The following RLN2 variants were observed in gnomAD, a reference collection of about 807,000 sequenced individuals.
The protein encoded by RLN2 is prorelaxin H2.
A neutral mutation model predicts 7.3 loss-of-function variants in RLN2; 10 were observed. The observed-to-expected ratio is 1.36, with a 90% CI of 0.84 to 2.31. The LOEUF is 2.31. RLN2 is among the 30% of genes most tolerant of loss of function. The pLI is 0.00. For missense variants in RLN2, 298 were observed against 217.6 expected (o/e 1.37, Z -2.32); for synonymous variants, 103 against 82.3 (o/e 1.25, Z -1.36).
chr9:5,305,438 G>C (rs1373424899), upstream of RLN2, among the ~76,000 whole-genome samples: 1 of 132,774 alleles, frequency 7.5e-6, no homozygotes. Flanking sequence ...AGAAAAAAAA[G>C]CAGTGGAAAT....
At chr9:5,305,357 TACCAC>T (rs1432494760), upstream of RLN2, among the ~76,000 whole-genome samples, 3 of 98,102 alleles carry the variant, frequency 3.1e-5, no homozygotes, top group Admixed American at 2.5e-4. Flanking sequence ...CTGGAGAACA[TACCAC>T]ACACACACAC....
the RLN2 span, among the ~76,000 whole-genome samples, chr9:5,318,072 A>G: frequency 6.6e-6 from 1 of 151,612 alleles, no homozygotes; most frequent in African/African-American, 2.4e-5. Context: ...GGGTTTCGCC[A>G]CATTGGCCAG....
chr9:5,333,839 T>C, the RLN2 span, among the ~76,000 whole-genome samples: 1 of 152,012 alleles, frequency 6.6e-6, no homozygotes, highest in African/African-American at 2.4e-5. Flanking sequence ...GACGGCTTTA[T>C]CCCCAGGATG....
the RLN2 span, among the ~76,000 whole-genome samples, chr9:5,322,953 G>A: frequency 4.6e-5 from 7 of 151,664 alleles, no homozygotes; most frequent in South Asian, 1.0e-3. Flanking sequence ...AAAGCACTTC[G>A]CCTCCCCATC....
At chr9:5,327,681 G>A in the RLN2 span, among the ~76,000 whole-genome samples, 882 of 152,054 alleles carry the variant, frequency 5.8e-3, 21 homozygotes, top group African/African-American at 0.021. Flanking sequence ...AAACAGGCAG[G>A]TGCCCCTCTG....
At chr9:5,330,621 G>A in the RLN2 span, among the ~76,000 whole-genome samples, 4 of 119,432 alleles carry the variant, frequency 3.3e-5, no homozygotes, top group Admixed American at 1.1e-4. Flanking sequence ...CTGGGCGACA[G>A]AGCAAGACTC....
At chr9:5,300,890 A>C (rs1451712107) in intron 1 of RLN2, among the ~76,000 whole-genome samples, 1 of 152,144 alleles carries the variant, frequency 6.6e-6, no homozygotes, top group Admixed American at 6.5e-5. Context: ...AAAAGATATT[A>C]CTTTAAGCTA....
In RLN2 at chr9:5,300,263, T is replaced by C; in HGVS notation, c.393A>G (p.Lys131=). The part of the protein sequence containing the change: ...DSSLLFEEFK[K]LIRNRQSEAA... ...CTTCACTTTGTCTATTGCGAATAAG[T>C]TTCTTAAATTCTTCAAAGAGAAGAC... The change falls in exon 2 of 2, where the codon AAA becomes AAG. Residue 131 remains lysine (K), a synonymous_variant. Coordinates refer to ENST00000381627, the MANE Select transcript of RLN2 (RefSeq NM_134441.3). 6.2e-7 allele frequency: 1 copy of C among 1,613,992 alleles called. No homozygotes were observed. The highest frequency in any genetic ancestry group is 8.5e-7 in the Non-Finnish European group (1 of 1,179,946).
intron 1 of RLN2, among the ~76,000 whole-genome samples, chr9:5,301,426 T>C (rs1816133142): frequency 2.0e-5 from 3 of 152,222 alleles, no homozygotes; most frequent in Admixed American, 1.3e-4. Context: ...AAATGTTTCT[T>C]GCTCTCAAAA....
chr9:5,336,241 G>C, the RLN2 span, among the ~76,000 whole-genome samples: 1 of 152,060 alleles, frequency 6.6e-6, no homozygotes, highest in Non-Finnish European at 1.5e-5. Flanking sequence ...AAAGAGAGAA[G>C]TGGGTTAAAA....
At chr9:5,310,628 T>G in the RLN2 span, among the ~76,000 whole-genome samples, 8 of 152,038 alleles carry the variant, frequency 5.3e-5, no homozygotes, top group South Asian at 1.5e-3. Flanking sequence ...CAGTTATAAC[T>G]CTTTTTGAAC....
the RLN2 span, among the ~76,000 whole-genome samples, chr9:5,335,878 C>G: frequency 6.6e-6 from 1 of 151,950 alleles, no homozygotes; most frequent in African/African-American, 2.4e-5. Context: ...TTTTGACTCT[C>G]CCTGACATTA....
At position 5,300,090 on chromosome 9, in the gene RLN2, G is replaced by C. The variant is rs1163638040; in HGVS notation, c.*8C>G. On this transcript the variant is annotated 3_prime_UTR_variant, in exon 2 of 2. Transcript: ENST00000381627. ...ATATTATACGAGATGTGCACAATTA[G>C]CTTCATCTCAGCAAAATCTAGCAAG... 1.9e-6 allele frequency: 3 copies of C among 1,546,918 alleles called. No homozygotes were observed. In the African/African-American group the frequency reaches 4.1e-5, roughly 21 times the overall value.
In RLN2 at chr9:5,300,369, T is replaced by A; in HGVS notation, c.287A>T (p.Gln96Leu). The A allele has an allele frequency of 6.2e-7, 1 of 1,613,942 alleles. No homozygotes were observed. The highest frequency in any genetic ancestry group is 1.1e-5 in the South Asian group (1 of 90,994). Residue 96 changes from glutamine to leucine, a missense_variant, in exon 2 of 2, where the codon CAG (glutamine) becomes CTG (leucine). By Grantham distance (113) the Gln-to-Leu change is moderately radical. Transcript: ENST00000381627. ...CTCAGACAGGGTTAACTTCAGCTCCTGTGGCAAATTAGCAACAAATTCTGA... is the reference window on the plus strand; with the variant it reads ...CTCAGACAGGGTTAACTTCAGCTCCAGTGGCAAATTAGCAACAAATTCTGA... Reference protein sequence around the residue: ...MMSEFVANLPQELKLTLSEMQ... With the variant: ...MMSEFVANLPLELKLTLSEMQ...
At chr9:5,317,197 T>C in the RLN2 span, among the ~76,000 whole-genome samples, 2 of 151,818 alleles carry the variant, frequency 1.3e-5, no homozygotes, top group Non-Finnish European at 2.9e-5. Flanking sequence ...CAAATGGCAA[T>C]AGTAACTCCT....
the RLN2 span, among the ~76,000 whole-genome samples, chr9:5,311,980 G>A: frequency 6.6e-6 from 1 of 151,890 alleles, no homozygotes; most frequent in African/African-American, 2.4e-5. Context: ...ATCAAAAAGT[G>A]GGCGAAGGAC....
the RLN2 span, among the ~76,000 whole-genome samples, chr9:5,325,044 G>C: frequency 6.6e-6 from 1 of 151,988 alleles, no homozygotes; most frequent in South Asian, 2.1e-4. Context: ...AACCAAGTTA[G>C]ATAAGATCTT....
At chr9:5,332,908 C>T in the RLN2 span, among the ~76,000 whole-genome samples, 3 of 151,932 alleles carry the variant, frequency 2.0e-5, no homozygotes, top group Admixed American at 6.6e-5. Context: ...TGAGCCACCG[C>T]GCCCGGCCAT....
Position 5,304,408 on chromosome 9 carries a change from C to A in RLN2, c.173G>T (p.Ser58Ile), listed in dbSNP as rs1468736513. 4.3e-6 allele frequency: 7 copies of A among 1,609,742 alleles called. No individual in the cohort carries two copies. Among genetic ancestry groups the A allele is most frequent in the Non-Finnish European group, 5.9e-6 (7 of 1,178,742 alleles). Reference sequence around the variant, plus strand: ...AGGTGTCTGAGGAGCATCTTCCTGGCTCAGAGACCTTTTGCTCCAGGTGCT... The same window carrying A: ...AGGTGTCTGAGGAGCATCTTCCTGGATCAGAGACCTTTTGCTCCAGGTGCT... ...GMSTWSKRSL[S>I]QEDAPQTPRP... The change falls in exon 1 of 2, where the codon AGC becomes ATC. Residue 58 changes from serine to isoleucine, a missense_variant. Physicochemically the swap from Ser to Ile is moderately radical, Grantham distance 142. Transcript: ENST00000381627.
Sources: gnomAD v4.1 joint callset for allele counts (sites outside exome capture counted in the v4.1 genomes callset) on GRCh38, gnomAD v4.1.1 for gene constraint, MANE v1.5 for transcripts, NCBI Gene and HGNC (gene_info 2026-07-23, HGNC 2026-07-21) for gene names.